MAP7: variants seen among roughly 807,000 people sequenced by gnomAD.
The protein encoded by MAP7 is ensconsin.
In MAP7, 52 loss-of-function variants were observed where a neutral mutation model predicts 94.8. That is an observed-to-expected ratio of 0.55 (90% CI 0.44 to 0.69). MAP7 has a LOEUF of 0.69. MAP7 is among the 30% of genes least tolerant of loss of function. The pLI is 0.00. For missense variants in MAP7, 940 were observed against 964.6 expected, an observed-to-expected ratio of 0.97 and a Z score of 0.34; for synonymous variants, 350 against 357.0, an observed-to-expected ratio of 0.98 and a Z score of 0.22.
chr6:136,472,028 G>GT (rs1016203201), intron 1 of MAP7, among the ~76,000 whole-genome samples: 16 of 152,166 alleles, frequency 1.1e-4, no homozygotes, highest in African/African-American at 3.6e-4. Context: ...CTGAAATCCA[G>GT]TAAGAGTCAA....
At chr6:136,410,865 A>T (rs1787217597) in intron 3 of MAP7, among the ~76,000 whole-genome samples, 1 of 152,238 alleles carries the variant, frequency 6.6e-6, no homozygotes, top group Non-Finnish European at 1.5e-5. Context: ...ATACCCTGTC[A>T]GTCTAGTTTC....
chr6:136,388,371 T>G (rs1302807061), intron 5 of MAP7, 22 bp downstream of exon 5: 1 of 1,557,018 alleles, frequency 6.4e-7, no homozygotes, highest in Admixed American at 1.7e-5. Flanking sequence ...AAAGACTAAT[T>G]TTCAAAGTGG....
intron 15 of MAP7, 111 bp downstream of exon 15, chr6:136,359,709 T>G (rs1427992401): frequency 5.0e-6 from 5 of 996,668 alleles, no homozygotes; most frequent in Non-Finnish European, 7.7e-6. Flanking sequence ...TCTGTGAGTC[T>G]GTAAGCACTG....
At chr6:136,392,294 G>A (rs112260402) in intron 3 of MAP7, among the ~76,000 whole-genome samples, 75 of 151,650 alleles carry the variant, frequency 4.9e-4, no homozygotes, top group Non-Finnish European at 9.3e-4. Context: ...GCCCAGGCTG[G>A]TCTTGACCTC....
intron 3 of MAP7, among the ~76,000 whole-genome samples, chr6:136,394,931 C>CATATATATATATAT (rs144839767): frequency 0.021 from 564 of 27,392 alleles, 99 homozygotes; most frequent in Middle Eastern, 0.083. Context: ...AATATTCCAT[C>CATATATATATATAT]ATATATATAT....
chr6:136,421,408 C>T (rs1012790544), intron 2 of MAP7, among the ~76,000 whole-genome samples: 2 of 152,174 alleles, frequency 1.3e-5, no homozygotes, highest in African/African-American at 4.8e-5. Context: ...AGTGCATCCA[C>T]ATACACCATC....
Position 136,422,505 on chromosome 6 carries a change from C to T in MAP7, c.68-706G>A, listed in dbSNP as rs368600434. On this transcript the variant is annotated intron_variant, in intron 1 of 17. Coordinates refer to ENST00000354570, the MANE Select transcript of MAP7 (RefSeq NM_003980.6). ...TAACTTTTATTGGATCCATTCTAGG[C>T]GAACATCAGAGGCCTATCTGCCCAC... Among the ~76,000 whole-genome samples, 69 of 152,192 alleles carry T rather than the reference C, an allele frequency of 4.5e-4. 1 individual carries two copies. Among genetic ancestry groups the T allele is most frequent in the African/African-American group, 1.6e-3 (66 of 41,512 alleles).
At chr6:136,506,654 C>T (rs972429451) in intron 1 of MAP7, among the ~76,000 whole-genome samples, 8 of 152,164 alleles carry the variant, frequency 5.3e-5, no homozygotes, top group Admixed American at 2.6e-4. Flanking sequence ...CCTTCACTGA[C>T]GTGCAAGAAC....
intron 1 of MAP7, chr6:136,525,851 T>A: frequency 6.5e-7 from 1 of 1,535,428 alleles, no homozygotes. Context: ...TTCTGGAATT[T>A]CCATTCTTTT....
chr6:136,540,679 T>C (rs1829236308), intron 1 of MAP7, among the ~76,000 whole-genome samples: 1 of 152,194 alleles, frequency 6.6e-6, no homozygotes, highest in African/African-American at 2.4e-5. Flanking sequence ...TGCACACACT[T>C]GACACCACAC....
chr6:136,429,997 G>A (rs138569818), intron 1 of MAP7, among the ~76,000 whole-genome samples: 2 of 152,198 alleles, frequency 1.3e-5, no homozygotes, highest in East Asian at 3.9e-4. Flanking sequence ...CAAAGTACAG[G>A]GCAAAGTACA....
At chr6:136,482,106 T>C (rs1813020578) in intron 1 of MAP7, among the ~76,000 whole-genome samples, 1 of 152,158 alleles carries the variant, frequency 6.6e-6, no homozygotes, top group Admixed American at 6.5e-5. Flanking sequence ...AAGGCTCTTA[T>C]TAAAACGTCA....
rs147396636 is a variant in MAP7 at position 136,532,617 on chromosome 6, G to A, written c.67+17725C>T. Among the ~76,000 whole-genome samples, 1,145 of 143,156 alleles carry A rather than the reference G, an allele frequency of 8.0e-3. 19 individuals carry two copies. The highest frequency in any genetic ancestry group is 0.03 in the African/African-American group (1,063 of 35,160). 93.9% of individuals were successfully genotyped at this position (143,156 alleles called of 152,430 possible). A position where few individuals can be genotyped will look rare whatever the true frequency, so the allele number is the denominator to read the frequency against. On this transcript the variant is annotated intron_variant, in intron 1 of 17. Coordinates refer to ENST00000354570, the MANE Select transcript of MAP7 (RefSeq NM_003980.6). ...ATGTTGGATTAATGCACTGTTTACA[G>A]GTTGAATTTTTTTTTTTTTTAATCT...
intron 16 of MAP7, among the ~76,000 whole-genome samples, chr6:136,353,913 G>C (rs1242284060): frequency 6.6e-6 from 1 of 152,008 alleles, no homozygotes. Flanking sequence ...CCAGGGACTT[G>C]GTCAGTGGGG....
chr6:136,458,537 G>T (rs1159350782), intron 1 of MAP7, among the ~76,000 whole-genome samples: 1 of 152,068 alleles, frequency 6.6e-6, no homozygotes, highest in Non-Finnish European at 1.5e-5. Context: ...CAAAGCTATA[G>T]TAATCCCAAC....
chr6:136,491,015 T>C (rs1171210814), intron 1 of MAP7, among the ~76,000 whole-genome samples: 1 of 152,252 alleles, frequency 6.6e-6, no homozygotes, highest in Non-Finnish European at 1.5e-5. Flanking sequence ...GACTTTGTGA[T>C]GTCTTTGAAC....
chr6:136,421,235 C>A (rs1259815142), intron 2 of MAP7, among the ~76,000 whole-genome samples: 1 of 152,184 alleles, frequency 6.6e-6, no homozygotes. Flanking sequence ...TAATTCTATA[C>A]AAGCTTTGCT....
At chr6:136,360,530 C>T (rs774819912) in intron 13 of MAP7, among the ~76,000 whole-genome samples, 167 bp downstream of exon 13, 6 of 151,830 alleles carry the variant, frequency 4.0e-5, no homozygotes, top group South Asian at 4.2e-4. Flanking sequence ...TTTTTGGTGA[C>T]GGCTAAAACA....
chr6:136,507,310 G>T (rs1291102127), intron 1 of MAP7, among the ~76,000 whole-genome samples: 1 of 151,536 alleles, frequency 6.6e-6, no homozygotes, highest in Non-Finnish European at 1.5e-5. Flanking sequence ...ACTCCTGGAG[G>T]CCAAGCAGAA....
Sources: allele counts gnomAD v4.1 joint callset (sites outside exome capture counted in the v4.1 genomes callset), GRCh38; gene constraint gnomAD v4.1.1; transcripts MANE v1.5; gene names NCBI Gene and HGNC (gene_info 2026-07-23, HGNC 2026-07-21).